The following STK31 variants were observed in gnomAD, a reference collection of about 807,000 sequenced individuals.
The protein encoded by STK31 is serine/threonine kinase 31, also known as serine/threonine-protein kinase 31.
STK31 carries 89 observed loss-of-function variants against 129.7 expected under a neutral mutation model. The observed-to-expected ratio is 0.69, with a 90% CI of 0.58 to 0.82. STK31 has a LOEUF of 0.82. Among genes scored for constraint, STK31 ranks in the 40% least tolerant of loss-of-function variants. The probability of loss-of-function intolerance (pLI) is 0.00; values close to 1 mark genes in which losing one functional copy is unlikely to be tolerated. For synonymous variants in STK31, 448 were observed against 395.3 expected (o/e 1.13, Z -1.58); for missense variants, 1,187 against 1,176.4 (o/e 1.01, Z -0.13).
At chr7:23,730,878 A>ATATATATATATATTTTTTTTTT in intron 6 of STK31, among the ~76,000 whole-genome samples, 1 of 59,538 alleles carries the variant, frequency 1.7e-5, no homozygotes, top group Non-Finnish European at 3.3e-5. Flanking sequence ...ATATATATAT[A>ATATATATATATATTTTTTTTTT]TTTTTTTTTT....
chr7:23,815,623 T>C (rs1793425980), intron 23 of STK31, among the ~76,000 whole-genome samples: 2 of 152,156 alleles, frequency 1.3e-5, no homozygotes, highest in South Asian at 2.1e-4. Context: ...ATTACAAGGA[T>C]TGTGGCATTG....
chr7:23,745,642 G>A (rs552622759), intron 8 of STK31, among the ~76,000 whole-genome samples: 1 of 152,320 alleles, frequency 6.6e-6, no homozygotes, highest in African/African-American at 2.4e-5. Context: ...GCAGCAGCTA[G>A]CATTGCCTCA....
upstream of STK31, chr7:23,710,138 CAGGCCGTGGCTGCCACGTG>C: frequency 2.8e-6 from 4 of 1,405,348 alleles, no homozygotes; most frequent in South Asian, 3.9e-5. Flanking sequence ...TCCTAGGCGG[CAGGCCGTGGCTGCCACGTG>C]ACTCCCGCTA....
chr7:23,759,872 C>T (rs1422969851), intron 10 of STK31, among the ~76,000 whole-genome samples: 2 of 152,150 alleles, frequency 1.3e-5, no homozygotes, highest in Non-Finnish European at 2.9e-5. Context: ...GGAGTTGTTA[C>T]AAGAGATACT....
chr7:23,769,558 A>G, intron 12 of STK31, 82 bp from the exon 13 acceptor site: 2 of 961,030 alleles, frequency 2.1e-6, no homozygotes, highest in Non-Finnish European at 3.2e-6. Flanking sequence ...GTATAGCTTA[A>G]TACTCTGCTT....
intron 10 of STK31, 152 bp from the exon 11 acceptor site, chr7:23,762,649 G>T: frequency 2.7e-6 from 2 of 735,860 alleles, no homozygotes; most frequent in Non-Finnish European, 4.0e-6. Flanking sequence ...AAGTTTTTTT[G>T]TCATTTTGTT....
chr7:23,740,740 G>A (rs967946264), intron 8 of STK31, among the ~76,000 whole-genome samples: 2 of 152,066 alleles, frequency 1.3e-5, no homozygotes, highest in Admixed American at 1.3e-4. Flanking sequence ...GTGAGAACAT[G>A]CGGTGTTTGG....
chr7:23,828,086 C>T (rs1327255127), intron 23 of STK31, among the ~76,000 whole-genome samples: 1 of 152,206 alleles, frequency 6.6e-6, no homozygotes, highest in Middle Eastern at 3.2e-3. Flanking sequence ...AGATCTCCAG[C>T]TGTGTGCTGG....
chr7:23,742,527 T>C (rs1788109012), intron 8 of STK31, among the ~76,000 whole-genome samples: 1 of 152,182 alleles, frequency 6.6e-6, no homozygotes, highest in Non-Finnish European at 1.5e-5. Flanking sequence ...TTTAGGCAGC[T>C]CCATATGTGA....
intron 5 of STK31, 105 bp downstream of exon 5, chr7:23,727,420 A>C (rs989402460): frequency 1.1e-6 from 1 of 880,428 alleles, no homozygotes; most frequent in African/African-American, 1.7e-5. Context: ...TAGTACTGAT[A>C]CCTGGTTCAG....
chr7:23,775,276 T>C (rs1028365698), intron 15 of STK31, among the ~76,000 whole-genome samples: 2 of 152,222 alleles, frequency 1.3e-5, no homozygotes, highest in African/African-American at 4.8e-5. Flanking sequence ...CCTCCAGCTT[T>C]GTTCTTTTTG....
intron 4 of STK31, among the ~76,000 whole-genome samples, chr7:23,724,205 CTT>C (rs1427675097): frequency 1.3e-5 from 2 of 152,230 alleles, no homozygotes; most frequent in East Asian, 3.9e-4. Context: ...GTTGTTATCT[CTT>C]TGAAAAAAAT....
intron 22 of STK31, among the ~76,000 whole-genome samples, chr7:23,811,866 A>G (rs1486802998): frequency 1.3e-5 from 2 of 152,244 alleles, no homozygotes; most frequent in African/African-American, 4.8e-5. Flanking sequence ...TGAGTGAAGT[A>G]TAGAAACCTC....
intron 22 of STK31, among the ~76,000 whole-genome samples, chr7:23,806,457 T>C (rs977667609): frequency 6.6e-6 from 1 of 152,184 alleles, no homozygotes; most frequent in Admixed American, 6.5e-5. Flanking sequence ...TAGCAGTGCC[T>C]CTCAGGAATA....
At chr7:23,823,513 G>A (rs1793919290) in intron 23 of STK31, among the ~76,000 whole-genome samples, 1 of 152,136 alleles carries the variant, frequency 6.6e-6, no homozygotes, top group Admixed American at 6.5e-5. Context: ...TGTCAGATGA[G>A]TAGGTTGCAA....
intron 10 of STK31, among the ~76,000 whole-genome samples, chr7:23,757,697 C>T (rs2128096581): frequency 6.6e-6 from 1 of 152,092 alleles, no homozygotes; most frequent in South Asian, 2.1e-4. Flanking sequence ...CAGATGCCTT[C>T]CTCTTATCTC....
At chr7:23,791,812 T>TA (rs1324023670) in intron 22 of STK31, among the ~76,000 whole-genome samples, 1 of 152,172 alleles carries the variant, frequency 6.6e-6, no homozygotes, top group Non-Finnish European at 1.5e-5. Flanking sequence ...AGACTATTCT[T>TA]ATCAGCCCAG....
intron 22 of STK31, among the ~76,000 whole-genome samples, chr7:23,793,355 A>T (rs963132355): frequency 6.6e-6 from 1 of 152,366 alleles, no homozygotes; most frequent in South Asian, 2.1e-4. Flanking sequence ...CTTAAGTAGG[A>T]CACAGAAAAC....
At chr7:23,814,824 T>G (rs369991952) in intron 22 of STK31, among the ~76,000 whole-genome samples, 3 of 152,324 alleles carry the variant, frequency 2.0e-5, no homozygotes, top group East Asian at 3.9e-4. Flanking sequence ...TGATTTATTT[T>G]CTTTGTACCT....
Sources: allele counts gnomAD v4.1 joint callset (sites outside exome capture counted in the v4.1 genomes callset), GRCh38; gene constraint gnomAD v4.1.1; transcripts MANE v1.5; gene names NCBI Gene and HGNC (gene_info 2026-07-23, HGNC 2026-07-21).